SASH1: variants seen among roughly 807,000 people sequenced by gnomAD.
SASH1 encodes the protein SAM and SH3 domain containing 1.
SASH1 carries 44 observed loss-of-function variants against 125.2 expected under a neutral mutation model. That is an observed-to-expected ratio of 0.35 (90% CI 0.28 to 0.45). The LOEUF (loss-of-function observed/expected upper bound fraction) is 0.45, where lower values mean the gene tolerates loss of function less well. Ranked by LOEUF, SASH1 falls within the 20% of genes least tolerant of loss-of-function variation. The pLI is 1.00. For missense variants in SASH1, 1,426 were observed against 1,614.5 expected, an observed-to-expected ratio of 0.88 and a Z score of 2.00; for synonymous variants, 639 against 649.1, an observed-to-expected ratio of 0.98 and a Z score of 0.24.
chr6:148,404,555 C>G (rs1784299143), intron 2 of SASH1, among the ~76,000 whole-genome samples: 1 of 145,744 alleles, frequency 6.9e-6, no homozygotes, highest in Non-Finnish European at 1.5e-5. Flanking sequence ...ACCCCCAGCC[C>G]AGCCCATCCC....
intron 1 of SASH1, among the ~76,000 whole-genome samples, chr6:148,367,512 A>G (rs956371498): frequency 2.0e-5 from 3 of 152,240 alleles, no homozygotes; most frequent in African/African-American, 7.2e-5. Flanking sequence ...CCTCGGGCTG[A>G]ACCACCCATT....
chr6:148,405,988 G>A (rs1340535429), intron 2 of SASH1, among the ~76,000 whole-genome samples: 1 of 152,190 alleles, frequency 6.6e-6, no homozygotes, highest in Non-Finnish European at 1.5e-5. Context: ...TGGCCTCCAT[G>A]GTAAAAGAAA....
At chr6:148,500,035 G>A (rs542640869) in intron 8 of SASH1, among the ~76,000 whole-genome samples, 2 of 152,214 alleles carry the variant, frequency 1.3e-5, no homozygotes, top group South Asian at 4.2e-4. Flanking sequence ...ATGATGAAGT[G>A]ATGAGAGCAA....
intron 1 of SASH1, among the ~76,000 whole-genome samples, chr6:148,387,624 CTTTCTT>C (rs1783487438): frequency 6.9e-5 from 2 of 28,862 alleles, no homozygotes; most frequent in African/African-American, 2.5e-4. Flanking sequence ...TTCTTTCTTT[CTTTCTT>C]TCTTTCTTTC....
chr6:148,222,722 T>A, the SASH1 span, among the ~76,000 whole-genome samples: 1 of 152,166 alleles, frequency 6.6e-6, no homozygotes, highest in Non-Finnish European at 1.5e-5. Context: ...ATCTTATAAA[T>A]TTTATTATTG....
At chr6:148,326,333 T>TATATATATATATATGC (rs1780803060) in intron 1 of SASH1, among the ~76,000 whole-genome samples, 1 of 65,630 alleles carries the variant, frequency 1.5e-5, no homozygotes, top group Non-Finnish European at 2.8e-5. Flanking sequence ...CATATATATA[T>TATATATATATATATGC]ATATATATAT....
chr6:148,299,416 C>G (rs1376830233), intron 1 of SASH1, among the ~76,000 whole-genome samples: 1 of 151,806 alleles, frequency 6.6e-6, no homozygotes, highest in Admixed American at 6.6e-5. Flanking sequence ...CCTGTAGTCC[C>G]AGCACTTTGG....
At chr6:148,221,778 A>G in the SASH1 span, among the ~76,000 whole-genome samples, 5 of 152,246 alleles carry the variant, frequency 3.3e-5, no homozygotes. Context: ...CACTGATAAC[A>G]GTGGTGAAGA....
At chr6:148,299,560 G>A (rs1035504294) in intron 1 of SASH1, among the ~76,000 whole-genome samples, 2 of 151,490 alleles carry the variant, frequency 1.3e-5, no homozygotes, top group African/African-American at 2.4e-5. Flanking sequence ...CCAGCTACTC[G>A]GGGGGCTCAG....
chr6:148,429,902 G>A (rs541692888), intron 2 of SASH1, among the ~76,000 whole-genome samples: 4 of 152,322 alleles, frequency 2.6e-5, no homozygotes, highest in African/African-American at 9.6e-5. Flanking sequence ...TTGATGGATT[G>A]TGGTGGCATA....
intron 16 of SASH1, among the ~76,000 whole-genome samples, chr6:148,538,312 G>A (rs1781995819): frequency 1.3e-5 from 2 of 152,192 alleles, no homozygotes; most frequent in South Asian, 4.1e-4. Context: ...TTTGGCCACT[G>A]TGGTGCACTG....
At chr6:148,546,734 G>A (rs1004947720) in intron 19 of SASH1, among the ~76,000 whole-genome samples, 5 of 152,026 alleles carry the variant, frequency 3.3e-5, no homozygotes, top group East Asian at 1.9e-4. Flanking sequence ...AACACACCAC[G>A]TTTTACACCA....
chr6:148,473,763 G>C (rs1778219939), intron 6 of SASH1, among the ~76,000 whole-genome samples: 1 of 152,092 alleles, frequency 6.6e-6, no homozygotes, highest in African/African-American at 2.4e-5. Context: ...GATCCAGTTG[G>C]GTGTGTAAAT....
chr6:148,347,811 G>A (rs190458869), intron 1 of SASH1, among the ~76,000 whole-genome samples: 2 of 152,160 alleles, frequency 1.3e-5, no homozygotes, highest in Non-Finnish European at 2.9e-5. Flanking sequence ...GAAGTTGCAG[G>A]GTTATGTACT....
Position 148,485,767 on chromosome 6 carries a change from C to A in SASH1, c.628-1847C>A, listed in dbSNP as rs1583236098. On this transcript the variant is annotated intron_variant, in intron 7 of 19. Transcript: ENST00000367467. ...AAGTGGCTTTTTCCTGGAGCAATAA[C>A]TGTCATTGTAGTGGCGCTACCACAT... 2.0e-5 allele frequency among the ~76,000 whole-genome samples: 3 copies of A among 152,194 alleles called. No homozygotes were observed. In the South Asian group the frequency reaches 6.2e-4, roughly 32 times the overall value.
At chr6:148,523,272 C>T (rs1415106853) in intron 10 of SASH1, among the ~76,000 whole-genome samples, 1 of 152,124 alleles carries the variant, frequency 6.6e-6, no homozygotes, top group African/African-American at 2.4e-5. Context: ...CCCTGAGTCA[C>T]GGGAAAGGAA....
chr6:148,515,099 G>A (rs1780366912), intron 9 of SASH1, among the ~76,000 whole-genome samples: 1 of 152,198 alleles, frequency 6.6e-6, no homozygotes, highest in Non-Finnish European at 1.5e-5. Context: ...AATTATGACA[G>A]TTCAAATCTC....
chr6:148,447,513 G>A (rs939853495), intron 4 of SASH1, among the ~76,000 whole-genome samples: 11 of 152,116 alleles, frequency 7.2e-5, no homozygotes, highest in Non-Finnish European at 1.3e-4. Flanking sequence ...CAGGGAAGAA[G>A]TCCCAGCACA....
chr6:148,275,021 G>A (rs1779148379), intron 1 of SASH1, among the ~76,000 whole-genome samples: 1 of 152,140 alleles, frequency 6.6e-6, no homozygotes, highest in Non-Finnish European at 1.5e-5. Context: ...CCAATTCACA[G>A]AACTCGTGGC....
Sources: allele counts gnomAD v4.1 joint callset (sites outside exome capture counted in the v4.1 genomes callset), GRCh38; gene constraint gnomAD v4.1.1; transcripts MANE v1.5; gene names NCBI Gene and HGNC (gene_info 2026-07-23, HGNC 2026-07-21).